SHISA6: variants seen among roughly 807,000 people sequenced by gnomAD.
SHISA6 encodes shisa family member 6.
A neutral mutation model predicts 47.9 loss-of-function variants in SHISA6; 22 were observed. The ratio of observed to expected loss-of-function variants is 0.46; its 90% CI spans 0.33 to 0.66. The LOEUF (loss-of-function observed/expected upper bound fraction) is 0.66. Among genes scored for constraint, SHISA6 ranks in the 30% least tolerant of loss-of-function variants. The pLI, the probability that SHISA6 is intolerant of heterozygous loss-of-function variation, is 0.02. For missense variants in SHISA6, 680 were observed against 764.6 expected (o/e 0.89, Z 1.30); for synonymous variants, 388 against 337.8 (o/e 1.15, Z -1.63).
At chr17:11,320,405 A>G (rs1956810046) in intron 2 of SHISA6, among the ~76,000 whole-genome samples, 1 of 152,082 alleles carries the variant, frequency 6.6e-6, no homozygotes, top group Non-Finnish European at 1.5e-5. Flanking sequence ...CATGCCTGTA[A>G]TCCCAGCACT....
intron 2 of SHISA6, among the ~76,000 whole-genome samples, chr17:11,338,951 C>T (rs1911421902): frequency 6.6e-6 from 1 of 151,562 alleles, no homozygotes; most frequent in African/African-American, 2.4e-5. Flanking sequence ...CATAAAATTG[C>T]AAACATTCTT....
chr17:11,267,029 C>T (rs942160584), intron 2 of SHISA6, among the ~76,000 whole-genome samples: 1 of 152,142 alleles, frequency 6.6e-6, no homozygotes, highest in African/African-American at 2.4e-5. Flanking sequence ...GCACTTTATG[C>T]GTAATAGCGA....
intron 1 of SHISA6, among the ~76,000 whole-genome samples, chr17:11,259,111 T>C (rs1476326649): frequency 1.3e-5 from 2 of 151,282 alleles, no homozygotes; most frequent in Non-Finnish European, 2.9e-5. Flanking sequence ...TTTGGATAGA[T>C]AGGAGGTGAC....
At chr17:11,539,724 C>T (rs2908963) in intron 3 of SHISA6, among the ~76,000 whole-genome samples, 81,071 of 151,986 alleles carry the variant, frequency 0.53, 22,804 homozygotes, top group African/African-American at 0.72. Flanking sequence ...GGAGCTCAAA[C>T]GGAGATTGTT....
At chr17:11,251,119 C>T (rs1423853914) in intron 1 of SHISA6, among the ~76,000 whole-genome samples, 2 of 152,152 alleles carry the variant, frequency 1.3e-5, no homozygotes, top group African/African-American at 4.8e-5. Context: ...TCCAGTAGAA[C>T]AGTTGGGTCT....
At chr17:11,393,863 C>A (rs924450435) in intron 3 of SHISA6, among the ~76,000 whole-genome samples, 4 of 152,190 alleles carry the variant, frequency 2.6e-5, no homozygotes, top group Non-Finnish European at 5.9e-5. Flanking sequence ...CTTTTCTGCT[C>A]TTCCCTTTTT....
At chr17:11,551,216 C>T (rs2071929320) in intron 3 of SHISA6, among the ~76,000 whole-genome samples, 1 of 152,324 alleles carries the variant, frequency 6.6e-6, no homozygotes, top group Admixed American at 6.5e-5. Context: ...TTTGGAACGC[C>T]TTGAACTTCA....
chr17:11,399,385 T>C (rs1913686289), intron 3 of SHISA6, among the ~76,000 whole-genome samples: 2 of 152,188 alleles, frequency 1.3e-5, no homozygotes, highest in Admixed American at 1.3e-4. Context: ...AGTATGGAAT[T>C]ATTTGACTAT....
At chr17:11,551,768 T>C (rs2142387492) in intron 3 of SHISA6, 128 bp from the exon 4 acceptor site, 2 of 778,328 alleles carry the variant, frequency 2.6e-6, no homozygotes, top group African/African-American at 3.5e-5. Context: ...CAATGACCTC[T>C]GCCTTTCTTA....
In SHISA6 at chr17:11,515,366, G is replaced by GGAAGGT. The variant is rs1567626495; in HGVS notation, c.896-36530_896-36529insGAAGGT. Reference sequence around the variant, plus strand: ...GAAGGAAGGAAGGAAGGAAGGAAGGGAGAGAAAATGCTCCAAATAACCACT... The same window carrying GGAAGGT: ...GAAGGAAGGAAGGAAGGAAGGAAGGGGAAGGTAGAGAAAATGCTCCAAATAACCACT... On this transcript the variant is annotated intron_variant, in intron 3 of 5. Coordinates refer to ENST00000441885, the MANE Select transcript of SHISA6 (RefSeq NM_207386.4). 2.6e-3 allele frequency among the ~76,000 whole-genome samples: 326 copies of GGAAGGT among 127,754 alleles called. 3 individuals are homozygous for GGAAGGT. Among genetic ancestry groups the GGAAGGT allele is most frequent in the African/African-American group, 9.5e-3 (306 of 32,130 alleles). 83.8% of individuals were successfully genotyped at this position (127,754 alleles called of 152,430 possible).
At chr17:11,266,202 A>G (rs1908419404) in intron 2 of SHISA6, among the ~76,000 whole-genome samples, 1 of 152,224 alleles carries the variant, frequency 6.6e-6, no homozygotes, top group African/African-American at 2.4e-5. Context: ...GCCACTCATC[A>G]AATCAACAAA....
intron 3 of SHISA6, among the ~76,000 whole-genome samples, chr17:11,479,127 A>T (rs1916148914): frequency 6.6e-6 from 1 of 152,054 alleles, no homozygotes; most frequent in Non-Finnish European, 1.5e-5. Flanking sequence ...CCTACAGCCA[A>T]TCCAGGTCCA....
In SHISA6 at chr17:11,501,150, T is replaced by C. The variant is rs142160473; in HGVS notation, c.896-50746T>C. 8.7e-3 allele frequency among the ~76,000 whole-genome samples: 1,328 copies of C among 152,054 alleles called. 20 individuals are homozygous for C. Among genetic ancestry groups the C allele is most frequent in the African/African-American group, 0.03 (1,259 of 41,446 alleles). ...TTTTTGAGATGGAGTTTTGCTCTTG[T>C]TGCCGAGGCTGGAGTGCAATGGCAC... On this transcript the variant is annotated intron_variant, in intron 3 of 5. Transcript: ENST00000441885.
At chr17:11,342,315 C>G (rs1911560559) in intron 2 of SHISA6, among the ~76,000 whole-genome samples, 1 of 151,978 alleles carries the variant, frequency 6.6e-6, no homozygotes, top group African/African-American at 2.4e-5. Flanking sequence ...CATCCATTAC[C>G]TAGCAGCAGA....
intron 3 of SHISA6, among the ~76,000 whole-genome samples, chr17:11,425,255 G>T (rs1054427005): frequency 6.6e-6 from 1 of 151,672 alleles, no homozygotes; most frequent in Non-Finnish European, 1.5e-5. Context: ...AAACCAGAAA[G>T]GTTTGTTTCC....
chr17:11,388,830 A>T lies in SHISA6; in HGVS notation c.895+9321A>T, dbSNP rs1381271883. On this transcript the variant is annotated intron_variant, in intron 3 of 5. Transcript: ENST00000441885. ...TATATATATATATATATATATATAT[A>T]TATATATATATTTTAAAAAAGGTAA... 3.5e-4 allele frequency among the ~76,000 whole-genome samples: 34 copies of T among 96,014 alleles called. 2 individuals carry two copies. The highest frequency in any genetic ancestry group is 1.1e-3 in the African/African-American group (27 of 23,638). 63.0% of individuals were successfully genotyped at this position (96,014 alleles called of 152,430 possible). A position where few individuals can be genotyped will look rare whatever the true frequency, so the allele number is the denominator to read the frequency against.
intron 5 of SHISA6, among the ~76,000 whole-genome samples, chr17:11,556,527 TCTC>T (rs1238181912): frequency 2.6e-5 from 4 of 152,118 alleles, no homozygotes; most frequent in Non-Finnish European, 5.9e-5. Flanking sequence ...CCTTGGACCT[TCTC>T]CTCCCATTTT....
chr17:11,399,697 C>T (rs1230796269), intron 3 of SHISA6, among the ~76,000 whole-genome samples: 1 of 152,182 alleles, frequency 6.6e-6, no homozygotes, highest in Non-Finnish European at 1.5e-5. Context: ...GCTGGGATTA[C>T]AGGCATGAGG....
intron 3 of SHISA6, among the ~76,000 whole-genome samples, chr17:11,525,578 A>G (rs951967219): frequency 7.7e-6 from 1 of 129,554 alleles, no homozygotes; most frequent in African/African-American, 2.9e-5. Flanking sequence ...AGTTGCAGGG[A>G]GCCGAGATCG....
Sources: allele counts gnomAD v4.1 joint callset (sites outside exome capture counted in the v4.1 genomes callset), GRCh38; gene constraint gnomAD v4.1.1; transcripts MANE v1.5; gene names NCBI Gene and HGNC (gene_info 2026-07-23, HGNC 2026-07-21).